The following STAG1 variants were observed in gnomAD, a reference collection of about 807,000 sequenced individuals.
STAG1 encodes the protein STAG1 cohesin complex component.
In STAG1, 26 loss-of-function variants were observed where a neutral mutation model predicts 170.9. The ratio of observed to expected loss-of-function variants is 0.15; its 90% confidence interval spans 0.11 to 0.21. STAG1 has a LOEUF of 0.21. Ranked by LOEUF, STAG1 falls within the 10% of genes least tolerant of loss-of-function variation. The pLI is 1.00. For missense variants in STAG1, 964 were observed against 1,509.5 expected (o/e 0.64, Z 5.99); for synonymous variants, 514 against 497.7 (o/e 1.03, Z -0.44).
chr3:136,604,126 G>A (rs1361341446), intron 4 of STAG1, among the ~76,000 whole-genome samples, 183 bp downstream of exon 4: 1 of 151,978 alleles, frequency 6.6e-6, no homozygotes, highest in African/African-American at 2.4e-5. Flanking sequence ...TACATCTTAC[G>A]ATTAAACAGC....
In STAG1 at chr3:136,625,499, C is replaced by T. The variant is rs192155680; in HGVS notation, c.30-2251G>A. Among the ~76,000 whole-genome samples, 104 of 152,338 alleles carry T rather than the reference C, an allele frequency of 6.8e-4. 1 individual carries two copies. The East Asian group carries it at 0.017, about 24-fold the overall frequency. ...AATTGAATCCAATCCTGACTTACCT[C>T]TGACTTTCTACTCACAGAGATACAA... is the stretch of plus-strand genomic sequence containing the variant. On this transcript the variant is annotated intron_variant, in intron 2 of 33. Coordinates refer to ENST00000383202, the MANE Select transcript of STAG1 (RefSeq NM_005862.3).
rs1472332827 is a variant in STAG1, at chr3:136,533,203, T to C, written c.471+8916A>G. 2.0e-5 allele frequency among the ~76,000 whole-genome samples: 3 copies of C among 151,914 alleles called. No homozygotes were observed. The East Asian group carries it at 5.8e-4, about 29-fold the overall frequency. ...GATCTAGAAATAAAGCTAACTAAAGTGAAGGATCTCTATAAGGAAAACTAC... is the reference window on the plus strand; with the variant it reads ...GATCTAGAAATAAAGCTAACTAAAGCGAAGGATCTCTATAAGGAAAACTAC... On this transcript the variant is annotated intron_variant, in intron 6 of 33. Transcript: ENST00000383202.
chr3:136,413,312 C>CATATAG (rs1226902869), intron 21 of STAG1, among the ~76,000 whole-genome samples: 163 of 146,958 alleles, frequency 1.1e-3, no homozygotes, highest in African/African-American at 2.5e-3. Flanking sequence ...ATTATATATA[C>CATATAG]ATAGTGTCTA....
At chr3:136,383,351 A>C (rs1475315307) in intron 22 of STAG1, among the ~76,000 whole-genome samples, 1 of 152,228 alleles carries the variant, frequency 6.6e-6, no homozygotes, top group Non-Finnish European at 1.5e-5. Context: ...AAATAGGTGA[A>C]AATTAGCACA....
At chr3:136,530,270 A>G (rs1034186003) in intron 6 of STAG1, among the ~76,000 whole-genome samples, 3 of 152,230 alleles carry the variant, frequency 2.0e-5, no homozygotes, top group African/African-American at 4.8e-5. Context: ...CTCCCAGACT[A>G]TAACAGAGAC....
At chr3:136,658,249 A>G (rs1281331388) in intron 1 of STAG1, among the ~76,000 whole-genome samples, 1 of 152,086 alleles carries the variant, frequency 6.6e-6, no homozygotes, top group Non-Finnish European at 1.5e-5. Flanking sequence ...TAACGAACTT[A>G]CAGATTTTGG....
chr3:136,430,036 T>C (rs2088251091), intron 16 of STAG1: 1 of 152,252 alleles, frequency 6.6e-6, no homozygotes, highest in African/African-American at 2.4e-5. Flanking sequence ...AGTTAAGTTC[T>C]GGGGGAATCA....
At chr3:136,362,041 C>T (rs1013662875) in intron 26 of STAG1, among the ~76,000 whole-genome samples, 4 of 152,000 alleles carry the variant, frequency 2.6e-5, no homozygotes, top group African/African-American at 7.2e-5. Flanking sequence ...CTGCAACCCC[C>T]GCCTCCCAGG....
At chr3:136,384,700 G>A (rs531239536) in intron 22 of STAG1, among the ~76,000 whole-genome samples, 166 of 151,684 alleles carry the variant, frequency 1.1e-3, no homozygotes, top group Non-Finnish European at 2.1e-3. Flanking sequence ...CCTGGGAGGC[G>A]GAGGTTGCAG....
intron 21 of STAG1, among the ~76,000 whole-genome samples, chr3:136,416,762 G>A (rs1478180978): frequency 1.3e-5 from 2 of 151,804 alleles, no homozygotes; most frequent in Non-Finnish European, 2.9e-5. Flanking sequence ...AGGGACATTT[G>A]TAGGGACCAA....
intron 1 of STAG1, among the ~76,000 whole-genome samples, chr3:136,679,589 C>A (rs113468368): frequency 6.6e-6 from 1 of 151,908 alleles, no homozygotes; most frequent in Non-Finnish European, 1.5e-5. Flanking sequence ...ATTAGCCGGG[C>A]GCGGTGGTGG....
At chr3:136,553,271 A>G (rs1229299053) in intron 5 of STAG1, among the ~76,000 whole-genome samples, 1 of 152,208 alleles carries the variant, frequency 6.6e-6, no homozygotes, top group East Asian at 1.9e-4. Context: ...CAGAAATTCA[A>G]AAATATGGAA....
intron 21 of STAG1, among the ~76,000 whole-genome samples, chr3:136,400,376 C>T (rs944787734): frequency 6.6e-6 from 1 of 151,670 alleles, no homozygotes; most frequent in Admixed American, 6.6e-5. Flanking sequence ...TACAGGCACA[C>T]GCCTGACTAA....
intron 1 of STAG1, among the ~76,000 whole-genome samples, chr3:136,719,598 G>A (rs1255755332): frequency 6.9e-6 from 1 of 144,766 alleles, no homozygotes; most frequent in African/African-American, 2.6e-5. Flanking sequence ...TAGATGGGTG[G>A]ATGGATGGGT....
At chr3:136,428,184 T>A (rs532603017) in intron 16 of STAG1, among the ~76,000 whole-genome samples, 1 of 152,166 alleles carries the variant, frequency 6.6e-6, no homozygotes, top group East Asian at 1.9e-4. Context: ...TTTGTGCAAA[T>A]GAAGCTGGGT....
intron 1 of STAG1, among the ~76,000 whole-genome samples, chr3:136,718,936 A>C (rs1265790823): frequency 6.6e-6 from 1 of 152,204 alleles, no homozygotes; most frequent in African/African-American, 2.4e-5. Context: ...CAAATAAAAA[A>C]AAGGCAGGCA....
intron 21 of STAG1, among the ~76,000 whole-genome samples, chr3:136,410,909 GCTGGGC>G (rs2087607587): frequency 6.6e-6 from 1 of 152,218 alleles, no homozygotes; most frequent in African/African-American, 2.4e-5. Flanking sequence ...ACAAAAATTA[GCTGGGC>G]ACGGTGGCAT....
chr3:136,479,101 A>C (rs1326362776), intron 9 of STAG1, among the ~76,000 whole-genome samples: 1 of 142,492 alleles, frequency 7.0e-6, no homozygotes, highest in Non-Finnish European at 1.5e-5. Context: ...TTATACTTTA[A>C]GTTTTAGGGT....
At chr3:136,613,757 G>T (rs1200635026) in intron 3 of STAG1, among the ~76,000 whole-genome samples, 1 of 152,134 alleles carries the variant, frequency 6.6e-6, no homozygotes, top group Non-Finnish European at 1.5e-5. Flanking sequence ...CAAAGTGCTA[G>T]AATTACAGGT....
Sources: allele counts gnomAD v4.1 joint callset (sites outside exome capture counted in the v4.1 genomes callset), GRCh38; gene constraint gnomAD v4.1.1; transcripts MANE v1.5; gene names NCBI Gene and HGNC (gene_info 2026-07-23, HGNC 2026-07-21).